COPS5: variants seen among roughly 807,000 people sequenced by gnomAD.
COPS5 encodes COP9 signalosome subunit 5.
Under a neutral mutation model 44.4 loss-of-function variants are expected in COPS5, and 8 were observed. The observed-to-expected ratio is 0.18, with a 90% CI of 0.11 to 0.32. The LOEUF (loss-of-function observed/expected upper bound fraction) is 0.32, where lower values mean the gene tolerates loss of function less well. Among genes scored for constraint, COPS5 ranks in the 10% least tolerant of loss-of-function variants. The probability of loss-of-function intolerance (pLI) is 1.00; values close to 1 mark genes in which losing one functional copy is unlikely to be tolerated. For missense variants in COPS5, 159 were observed against 406.4 expected (o/e 0.39, Z 5.23); for synonymous variants, 122 against 142.8 (o/e 0.85, Z 1.04).
Position 67,062,076 on chromosome 8 carries a change from A to G in COPS5, c.-80T>C. The G allele has an allele frequency of 6.2e-7, 1 of 1,602,022 alleles. No individual in the cohort carries two copies. Among genetic ancestry groups the G allele is most frequent in the Non-Finnish European group, 8.5e-7 (1 of 1,175,832 alleles). Reference sequence around the variant, plus strand: ...GCTAGGTTTCCGGGTGTGGGCCTTGACCCTCCGCACCACGGGAACAAACTC... The same window carrying G: ...GCTAGGTTTCCGGGTGTGGGCCTTGGCCCTCCGCACCACGGGAACAAACTC... On this transcript the variant is annotated 5_prime_UTR_variant, in exon 1 of 8. Transcript: ENST00000357849.
At chr8:67,060,030 T>A (rs1194690493) in intron 1 of COPS5, 1 of 166,802 alleles carries the variant, frequency 6.0e-6, no homozygotes. Context: ...CCCTAATAAG[T>A]GCTAGCTGTT....
rs200261585 is a variant in COPS5, at chr8:67,056,477, G to T, written c.659+42C>A. 546 of 715,066 alleles carry T rather than the reference G, an allele frequency of 7.6e-4. 1 individual carries two copies. Among genetic ancestry groups the T allele is most frequent in the Middle Eastern group, 6.1e-3 (24 of 3,934 alleles). 44.3% of individuals were successfully genotyped at this position (715,066 alleles called of 1,614,324 possible). A position where few individuals can be genotyped will look rare whatever the true frequency, so the allele number is the denominator to read the frequency against. On this transcript the variant is annotated intron_variant, in intron 5 of 7. Coordinates refer to ENST00000357849, the MANE Select transcript of COPS5 (RefSeq NM_006837.3). ...CCCAAAGTGCTGGGATTATAGGTGT[G>T]AGTCACCGTGCCTGGCCCAGATATG...
intron 2 of COPS5, among the ~76,000 whole-genome samples, chr8:67,058,987 G>A (rs1294319358): frequency 2.0e-5 from 3 of 149,608 alleles, no homozygotes; most frequent in Admixed American, 1.3e-4. Context: ...CTGGGCAACA[G>A]AGTGAGTCCC....
rs34629150 is a variant in COPS5 at position 67,050,558 on chromosome 8, AGTGT to A, written c.771+668_771+671del. Among the ~76,000 whole-genome samples the A allele has an allele frequency of 1.2e-3, 171 of 141,072 alleles. 1 individual carries two copies. Among genetic ancestry groups the A allele is most frequent in the African/African-American group, 1.9e-3 (73 of 38,390 alleles). The allele number at this position is 141,072 out of a possible 152,430, so 92.5% of individuals were successfully genotyped here. On this transcript the variant is annotated intron_variant, in intron 6 of 7. Transcript: ENST00000357849. ...TTTTGCCCGGAAATATGTGAGTGTG[AGTGT>A]GTGTGTGTGTGTGTGTGTGTGTATC... is the stretch of plus-strand genomic sequence containing the variant.
At chr8:67,053,954 C>G (rs1335313286) in intron 5 of COPS5, among the ~76,000 whole-genome samples, 1 of 148,504 alleles carries the variant, frequency 6.7e-6, no homozygotes, top group Non-Finnish European at 1.5e-5. Flanking sequence ...TGCAGTGAGC[C>G]GAGATCACAC....
intron 5 of COPS5, among the ~76,000 whole-genome samples, chr8:67,055,099 A>T (rs1804483689): frequency 6.6e-6 from 1 of 152,254 alleles, no homozygotes; most frequent in Non-Finnish European, 1.5e-5. Context: ...TTCTAGGCAG[A>T]GGGAACAGCA....
chr8:67,045,490 C>T, intron 7 of COPS5: 1 of 263,464 alleles, frequency 3.8e-6, no homozygotes, highest in Non-Finnish European at 7.3e-6. Context: ...CACACATACA[C>T]ACACACACAC....
Position 67,059,391 on chromosome 8 carries a change from C to T in COPS5, c.198G>A (p.Val66=). 6.2e-7 allele frequency: 1 copy of T among 1,614,208 alleles called. No homozygotes were observed. The highest frequency in any genetic ancestry group is 8.5e-7 in the Non-Finnish European group (1 of 1,180,038). The part of the protein sequence containing the change: ...KISALALLKM[V]MHARSGGNLE... The stretch of plus-strand genomic sequence containing the variant: ...AGTTGCCTCCCGATCTGGCATGCAT[C>T]ACCATCTTCAGCAGAGCCAATGCTG... Residue 66 remains valine (V), a synonymous_variant, in exon 2 of 8, where the codon GTG becomes GTA. Coordinates refer to ENST00000357849, the MANE Select transcript of COPS5 (RefSeq NM_006837.3).
intron 3 of COPS5, 77 bp downstream of exon 3, chr8:67,058,006 C>G: frequency 6.8e-7 from 1 of 1,474,438 alleles, no homozygotes; most frequent in Non-Finnish European, 9.5e-7. Context: ...CTTTACTACA[C>G]TATTCTTATT....
At chr8:67,052,744 C>T (rs1381540759) in intron 5 of COPS5, among the ~76,000 whole-genome samples, 9 of 148,582 alleles carry the variant, frequency 6.1e-5, no homozygotes, top group African/African-American at 1.5e-4. Flanking sequence ...CGCTTGAACC[C>T]GGGAGGCAGA....
intron 7 of COPS5, chr8:67,045,053 A>G (rs1378196738): frequency 6.6e-6 from 1 of 152,242 alleles, no homozygotes; most frequent in Non-Finnish European, 1.5e-5. Context: ...AATTTGGGAT[A>G]CTAAATTACT....
chr8:67,060,961 A>G lies in COPS5; in HGVS notation c.143+893T>C, dbSNP rs138511754. 5.0e-3 allele frequency: 807 copies of G among 162,988 alleles called. 8 individuals are homozygous for G. Among genetic ancestry groups the G allele is most frequent in the Non-Finnish European group, 6.2e-3 (462 of 74,646 alleles). 10.1% of individuals were successfully genotyped at this position (162,988 alleles called of 1,614,324 possible). A position where few individuals can be genotyped will look rare whatever the true frequency, so the allele number is the denominator to read the frequency against. ...AGACAAGGCTAGCCTTGTAAAAAAA[A>G]CTGTGAGGCAGTAGAAGTATGTCCT... On this transcript the variant is annotated intron_variant, in intron 1 of 7. Transcript: ENST00000357849.
intron 6 of COPS5, 129 bp from the exon 7 acceptor site, chr8:67,046,089 G>T: frequency 1.1e-6 from 1 of 921,280 alleles, no homozygotes. Context: ...TAAAATCTGA[G>T]TGAATAGTCA....
intron 5 of COPS5, 26 bp downstream of exon 5, chr8:67,056,493 C>T: frequency 2.3e-6 from 2 of 874,006 alleles, no homozygotes; most frequent in Non-Finnish European, 1.8e-6. Flanking sequence ...CCGTGCCTGG[C>T]CCAGATATGT....
intron 6 of COPS5, among the ~76,000 whole-genome samples, chr8:67,046,895 G>A (rs774491146): frequency 5.4e-4 from 81 of 149,248 alleles, no homozygotes; most frequent in Middle Eastern, 7.1e-3. Flanking sequence ...AAAAATATTT[G>A]GAAAATGTAG....
At chr8:67,047,624 T>G in intron 6 of COPS5, 1 of 476,220 alleles carries the variant, frequency 2.1e-6, no homozygotes. Flanking sequence ...ATCTACATAT[T>G]TGTTCTTAAA....
chr8:67,051,209 CT>C lies in COPS5; in HGVS notation c.771+20del, dbSNP rs1804408583. 7.3e-7 allele frequency: 1 copy of C among 1,375,206 alleles called. No homozygotes were observed. The highest frequency in any genetic ancestry group is 1.4e-5 in the African/African-American group (1 of 70,454). 85.2% of individuals were successfully genotyped at this position (1,375,206 alleles called of 1,614,324 possible). A position where few individuals can be genotyped will look rare whatever the true frequency, so the allele number is the denominator to read the frequency against. On this transcript the variant is annotated intron_variant, in intron 6 of 7. Transcript: ENST00000357849. ...AGCTTAGATAAAATTCAAATGCATT[CT>C]TTACAAGTATAGTACTTACAGTAAG...
At chr8:67,049,344 G>A (rs1479659759) in intron 6 of COPS5, among the ~76,000 whole-genome samples, 1 of 152,048 alleles carries the variant, frequency 6.6e-6, no homozygotes, top group Non-Finnish European at 1.5e-5. Context: ...CACCCTTGTA[G>A]TCCCAGCTAC....
chr8:67,058,976 C>T (rs1293964445), intron 2 of COPS5, among the ~76,000 whole-genome samples: 5 of 151,314 alleles, frequency 3.3e-5, no homozygotes, highest in Non-Finnish European at 5.9e-5. Context: ...TGCACTCCAG[C>T]CTGGGCAACA....
Sources: allele counts gnomAD v4.1 joint callset (sites outside exome capture counted in the v4.1 genomes callset), GRCh38; gene constraint gnomAD v4.1.1; transcripts MANE v1.5; gene names NCBI Gene and HGNC (gene_info 2026-07-23, HGNC 2026-07-21).